AKAP13: variants seen among roughly 807,000 people sequenced by gnomAD.
AKAP13 encodes A-kinase anchor protein 13.
A neutral mutation model predicts 264.5 loss-of-function variants in AKAP13; 80 were observed. The observed-to-expected ratio is 0.30, with a 90% confidence interval of 0.25 to 0.36. The LOEUF is 0.36. AKAP13 is among the 10% of genes least tolerant of loss of function. The pLI is 1.00. For missense variants in AKAP13, 3,712 were observed against 3,435.2 expected (o/e 1.08, Z -2.01); for synonymous variants, 1,380 against 1,250.2 (o/e 1.10, Z -2.19).
intron 1 of AKAP13, among the ~76,000 whole-genome samples, chr15:85,477,367 C>T (rs879722708): frequency 3.3e-5 from 5 of 151,806 alleles, no homozygotes; most frequent in African/African-American, 4.8e-5. Context: ...ACCCCTTCTA[C>T]CTGTAAGTTC....
chr15:85,735,339 G>C (rs935666580), intron 31 of AKAP13, among the ~76,000 whole-genome samples, 189 bp downstream of exon 31: 1 of 152,130 alleles, frequency 6.6e-6, no homozygotes, highest in African/African-American at 2.4e-5. Context: ...ATTTTCCTAA[G>C]ATCTCAGCTA....
intron 5 of AKAP13, among the ~76,000 whole-genome samples, chr15:85,553,331 G>A (rs1376010475): frequency 7.9e-5 from 12 of 152,060 alleles, no homozygotes; most frequent in East Asian, 1.9e-4. Flanking sequence ...CAGGTGATCC[G>A]CCTGCCTCGG....
At chr15:85,392,978 C>G (rs2150810569) in intron 1 of AKAP13, among the ~76,000 whole-genome samples, 1 of 152,256 alleles carries the variant, frequency 6.6e-6, no homozygotes, top group African/African-American at 2.4e-5. Flanking sequence ...GGGCTTTTGA[C>G]AAATTTGGCA....
chr15:85,527,024 T>G (rs558287698), intron 3 of AKAP13, among the ~76,000 whole-genome samples: 1 of 151,522 alleles, frequency 6.6e-6, no homozygotes, highest in East Asian at 1.9e-4. Flanking sequence ...GCGCGATCTC[T>G]GCTCACTGCA....
chr15:85,673,804 A>G (rs2955436), intron 14 of AKAP13, among the ~76,000 whole-genome samples: 150,728 of 150,730 alleles, frequency 1, 75,363 homozygotes, highest in Middle Eastern at 1. Flanking sequence ...TCCTGCCTCA[A>G]CCTCCCGAGT....
intron 14 of AKAP13, among the ~76,000 whole-genome samples, chr15:85,672,240 T>A (rs538927583): frequency 2.6e-5 from 4 of 152,346 alleles, no homozygotes; most frequent in Admixed American, 2.0e-4. Flanking sequence ...GCTGGAATGA[T>A]AGCTAGCCCC....
intron 5 of AKAP13, among the ~76,000 whole-genome samples, chr15:85,571,459 C>A (rs889381483): frequency 5.9e-5 from 9 of 152,162 alleles, no homozygotes; most frequent in African/African-American, 1.2e-4. Flanking sequence ...CCAAAAGTTG[C>A]AGTAAACATT....
In AKAP13 at chr15:85,736,772, A is replaced by C. The variant is rs1306271180; in HGVS notation, c.7557+638A>C. On this transcript the variant is annotated intron_variant, in intron 33 of 36. Coordinates refer to ENST00000394518, the MANE Select transcript of AKAP13 (RefSeq NM_007200.5). ...TGGTGGTTTCCTTTGGTCTAAGCAC[A>C]CTGAGTAGAATTCATAGCAGCCTTT... Among the ~76,000 whole-genome samples the C allele has an allele frequency of 1.3e-5, 2 of 152,184 alleles. 1 individual carries two copies. The highest frequency in any genetic ancestry group is 1.3e-4 in the Admixed American group (2 of 15,278).
At chr15:85,739,333 T>C (rs2088788081) in intron 33 of AKAP13, among the ~76,000 whole-genome samples, 1 of 152,214 alleles carries the variant, frequency 6.6e-6, no homozygotes, top group African/African-American at 2.4e-5. Context: ...TAAGTTTGGG[T>C]CATTTATTTT....
intron 2 of AKAP13, among the ~76,000 whole-genome samples, chr15:85,493,774 C>T (rs1469059628): frequency 6.6e-6 from 1 of 152,148 alleles, no homozygotes; most frequent in Admixed American, 6.5e-5. Context: ...AGATACAAAG[C>T]ATAGTCTTGT....
chr15:85,425,071 C>A (rs569425355), intron 1 of AKAP13, among the ~76,000 whole-genome samples: 1 of 151,934 alleles, frequency 6.6e-6, no homozygotes, highest in Non-Finnish European at 1.5e-5. Context: ...TGAAGATGTT[C>A]GAAATATTGT....
Position 85,581,446 on chromosome 15 carries a change from G to T in AKAP13, c.3378G>T (p.Lys1126Asn). 1 of 1,614,206 alleles carries T rather than the reference G, an allele frequency of 6.2e-7. No individual in the cohort carries two copies. Among genetic ancestry groups the T allele is most frequent in the Non-Finnish European group, 8.5e-7 (1 of 1,180,046 alleles). The change falls in exon 7 of 37, where the codon AAG becomes AAT. Residue 1126 changes from lysine to asparagine, a missense_variant. By Grantham distance (94) the Lys-to-Asn change is moderately conservative. Transcript: ENST00000394518. Reference sequence around the variant, plus strand: ...CAAACGTCTTGTTGAGCCAAGAGAAGAATGCCGTTCTAGGTTTGCCAGTGG... The same window carrying T: ...CAAACGTCTTGTTGAGCCAAGAGAATAATGCCGTTCTAGGTTTGCCAGTGG... ...LIPNVLLSQEKNAVLGLPVAL... is the reference protein window; with the variant it reads ...LIPNVLLSQENNAVLGLPVAL...
At chr15:85,730,440 G>T (rs2087921566) in intron 29 of AKAP13, 73 bp from the exon 30 acceptor site, 1 of 1,493,140 alleles carries the variant, frequency 6.7e-7, no homozygotes, top group African/African-American at 1.4e-5. Context: ...CCACAAGGTG[G>T]TGCTCGTGTC....
intron 2 of AKAP13, among the ~76,000 whole-genome samples, chr15:85,486,682 T>G (rs1281533099): frequency 6.6e-6 from 1 of 152,052 alleles, no homozygotes; most frequent in African/African-American, 2.4e-5. Flanking sequence ...AATTTGTTGC[T>G]TATGGTTTTA....
intron 8 of AKAP13, among the ~76,000 whole-genome samples, chr15:85,633,197 G>C (rs2081924185): frequency 6.6e-6 from 1 of 152,138 alleles, no homozygotes; most frequent in Non-Finnish European, 1.5e-5. Flanking sequence ...TTTCTAAACT[G>C]TTGGCCCCTT....
At chr15:85,629,801 A>T (rs2081615524) in intron 8 of AKAP13, among the ~76,000 whole-genome samples, 1 of 50,590 alleles carries the variant, frequency 2.0e-5, no homozygotes, top group Non-Finnish European at 4.1e-5. Context: ...TTTTTTTGAG[A>T]CAGTGTCTGG....
chr15:85,475,031 C>T (rs1256859056), intron 1 of AKAP13, among the ~76,000 whole-genome samples: 1 of 152,060 alleles, frequency 6.6e-6, no homozygotes, highest in African/African-American at 2.4e-5. Flanking sequence ...TGTGTGAGAG[C>T]CTACCTGCCT....
intron 1 of AKAP13, among the ~76,000 whole-genome samples, chr15:85,472,683 T>A (rs2075003588): frequency 6.6e-6 from 1 of 152,184 alleles, no homozygotes; most frequent in Non-Finnish European, 1.5e-5. Flanking sequence ...TTAGAGGATT[T>A]ACATATTAAG....
At position 85,488,623 on chromosome 15, in the gene AKAP13, T is replaced by G. The variant is rs529413503; in HGVS notation, c.33+2870T>G. Reference sequence around the variant, plus strand: ...AGCTTCCCGTTGTAATTACAGGAGTTCTCATGAGTGAGAGGGAGTATCAGG... The same window carrying G: ...AGCTTCCCGTTGTAATTACAGGAGTGCTCATGAGTGAGAGGGAGTATCAGG... On this transcript the variant is annotated intron_variant, in intron 2 of 36. Coordinates refer to ENST00000394518, the MANE Select transcript of AKAP13 (RefSeq NM_007200.5). Among the ~76,000 whole-genome samples, 5 of 152,302 alleles carry G rather than the reference T, an allele frequency of 3.3e-5. No homozygotes were observed. In the East Asian group the frequency reaches 9.6e-4, roughly 29 times the overall value.
Sources: allele counts gnomAD v4.1 joint callset (sites outside exome capture counted in the v4.1 genomes callset), GRCh38; gene constraint gnomAD v4.1.1; transcripts MANE v1.5; gene names NCBI Gene and HGNC (gene_info 2026-07-23, HGNC 2026-07-21).